The following XRCC5 variants were observed in gnomAD, a reference collection of about 807,000 sequenced individuals.
XRCC5 encodes X-ray repair cross complementing 5, also known as DNA repair protein Ku80.
Under a neutral mutation model 95.7 loss-of-function variants are expected in XRCC5, and 12 were observed. The observed-to-expected ratio is 0.13, with a 90% CI of 0.08 to 0.20. The LOEUF (loss-of-function observed/expected upper bound fraction) is 0.20, where lower values mean the gene tolerates loss of function less well. XRCC5 is among the 10% of genes least tolerant of loss of function. The pLI, the probability that XRCC5 is intolerant of heterozygous loss-of-function variation, is 1.00. For synonymous variants in XRCC5, 281 were observed against 290.3 expected, an observed-to-expected ratio of 0.97 and a Z score of 0.33; for missense variants, 595 against 873.9, an observed-to-expected ratio of 0.68 and a Z score of 4.02.
rs536689916 is a variant in XRCC5, at chr2:216,203,970, C to A, written c.2110-352C>A. 1.6e-3 allele frequency: 327 copies of A among 210,478 alleles called. 1 individual carries two copies. The highest frequency in any genetic ancestry group is 2.3e-3 in the Non-Finnish European group (240 of 102,994). The allele number at this position is 210,478 out of a possible 1,614,324, so 13.0% of individuals were successfully genotyped here. ...TTGGGGTGGTTGGTTATTTTCTTAA[C>A]CTTAGCAAGCCAGCTTATTTCCTAT... On this transcript the variant is annotated intron_variant, in intron 19 of 20. Transcript: ENST00000392132.
intron 10 of XRCC5, among the ~76,000 whole-genome samples, chr2:216,136,004 A>G (rs1346180326): frequency 6.6e-6 from 1 of 152,184 alleles, no homozygotes. Flanking sequence ...TGAAGATGCC[A>G]TGTCAGATAT....
At chr2:216,205,123 C>G in intron 20 of XRCC5, 65 bp from the exon 21 acceptor site, 1 of 1,596,990 alleles carries the variant, frequency 6.3e-7, no homozygotes, top group Non-Finnish European at 8.6e-7. Flanking sequence ...AACCCTCTCT[C>G]ACCAGAGAAG....
At chr2:216,199,849 G>A (rs1243932376) in intron 19 of XRCC5, among the ~76,000 whole-genome samples, 1 of 141,360 alleles carries the variant, frequency 7.1e-6, no homozygotes, top group African/African-American at 2.6e-5. Flanking sequence ...GATTCCAAGA[G>A]GCTGAGCTAT....
chr2:216,157,210 C>T (rs1688860029), intron 14 of XRCC5, among the ~76,000 whole-genome samples: 1 of 145,644 alleles, frequency 6.9e-6, no homozygotes, highest in South Asian at 2.3e-4. Flanking sequence ...CCCAATACAA[C>T]TATTTTCTTT....
At chr2:216,163,831 T>A (rs962415330) in intron 16 of XRCC5, among the ~76,000 whole-genome samples, 1 of 152,210 alleles carries the variant, frequency 6.6e-6, no homozygotes, top group African/African-American at 2.4e-5. Flanking sequence ...GAAGAACAGC[T>A]TCGTTATCAC....
intron 16 of XRCC5, among the ~76,000 whole-genome samples, chr2:216,181,111 C>A (rs1042232969): frequency 3.9e-5 from 6 of 152,142 alleles, no homozygotes; most frequent in Non-Finnish European, 5.9e-5. Context: ...CTGCGCCCGG[C>A]CTTGAGTTTC....
At chr2:216,163,520 C>T (rs1688993398) in intron 16 of XRCC5, among the ~76,000 whole-genome samples, 1 of 151,940 alleles carries the variant, frequency 6.6e-6, no homozygotes, top group Non-Finnish European at 1.5e-5. Flanking sequence ...GAACTCTTGA[C>T]CTCAAGTGAT....
Position 216,120,857 on chromosome 2 carries a change from T to G in XRCC5, c.492-1205T>G, listed in dbSNP as rs41299754. Among the ~76,000 whole-genome samples the G allele has an allele frequency of 5.3e-3, 808 of 152,294 alleles. 4 individuals carry two copies. Among genetic ancestry groups the G allele is most frequent in the Middle Eastern group, 0.01 (3 of 294 alleles). On this transcript the variant is annotated intron_variant, in intron 5 of 20. Transcript: ENST00000392132. ...CTCAAGCAGTTCTCCTATCTCAGCC[T>G]CCCTAGTAGCTGGGATTTCAGGTGT...
At chr2:216,115,379 C>T (rs1162291156) in intron 2 of XRCC5, among the ~76,000 whole-genome samples, 5 of 152,152 alleles carry the variant, frequency 3.3e-5, no homozygotes, top group African/African-American at 1.2e-4. Context: ...TCAGAATTTC[C>T]TCCCCTCCCA....
At chr2:216,159,953 C>T (rs1574471604) in intron 14 of XRCC5, 115 bp from the exon 15 acceptor site, 1 of 584,554 alleles carries the variant, frequency 1.7e-6, no homozygotes, top group South Asian at 2.8e-5. Flanking sequence ...CATTATTTTT[C>T]TTTTCTTCTT....
At chr2:216,162,080 T>G (rs759106681) in intron 16 of XRCC5, 32 bp downstream of exon 16, 1 of 1,590,916 alleles carries the variant, frequency 6.3e-7, no homozygotes, top group Non-Finnish European at 8.6e-7. Flanking sequence ...TAGGAGAAGC[T>G]GTTTAGTTAA....
At chr2:216,123,259 C>G (rs13389593) in intron 6 of XRCC5, among the ~76,000 whole-genome samples, 1 of 152,060 alleles carries the variant, frequency 6.6e-6, no homozygotes, top group Non-Finnish European at 1.5e-5. Context: ...TTTAATATTT[C>G]TGATGAGCTA....
chr2:216,120,896 C>T (rs1047761855), intron 5 of XRCC5, among the ~76,000 whole-genome samples: 7 of 152,016 alleles, frequency 4.6e-5, no homozygotes, highest in African/African-American at 7.3e-5. Context: ...CCACCACGCC[C>T]GGCTAATATT....
intron 14 of XRCC5, among the ~76,000 whole-genome samples, chr2:216,150,716 C>T (rs1688725957): frequency 6.6e-6 from 1 of 151,934 alleles, no homozygotes; most frequent in Non-Finnish European, 1.5e-5. Flanking sequence ...TAGAGAATCC[C>T]CATCTCTACT....
intron 14 of XRCC5, among the ~76,000 whole-genome samples, chr2:216,154,895 A>G (rs550221226): frequency 3.3e-5 from 5 of 152,236 alleles, no homozygotes; most frequent in Admixed American, 6.5e-5. Context: ...GAAAAGAGGC[A>G]TCTATTCATA....
chr2:216,176,610 T>C (rs984003125), intron 16 of XRCC5, among the ~76,000 whole-genome samples: 14 of 152,204 alleles, frequency 9.2e-5, no homozygotes, highest in African/African-American at 2.9e-4. Context: ...TCCCTTTTTC[T>C]TGGTCAGTCT....
intron 20 of XRCC5, among the ~76,000 whole-genome samples, chr2:216,204,825 C>T (rs1366200154): frequency 6.6e-6 from 1 of 152,060 alleles, no homozygotes; most frequent in Non-Finnish European, 1.5e-5. Flanking sequence ...CAAAATAGAC[C>T]GATAGGCATT....
intron 13 of XRCC5, among the ~76,000 whole-genome samples, chr2:216,142,537 C>T (rs983848909): frequency 2.5e-4 from 38 of 152,074 alleles, no homozygotes; most frequent in African/African-American, 8.9e-4. Flanking sequence ...AAGGAATATT[C>T]CAGTCCTGGA....
chr2:216,194,892 G>T, intron 18 of XRCC5, 27 bp from the exon 19 acceptor site: 1 of 1,611,220 alleles, frequency 6.2e-7, no homozygotes, highest in South Asian at 1.1e-5. Flanking sequence ...TTTGTGTTTT[G>T]ATTTTACTCT....
Sources: gnomAD v4.1 joint callset for allele counts (sites outside exome capture counted in the v4.1 genomes callset) on GRCh38, gnomAD v4.1.1 for gene constraint, MANE v1.5 for transcripts, NCBI Gene and HGNC (gene_info 2026-07-23, HGNC 2026-07-21) for gene names.